Variants in KLRG1 observed in about 807,000 individuals in gnomAD.
KLRG1 encodes the protein killer cell lectin like receptor G1.
Under a neutral mutation model 21.8 loss-of-function variants are expected in KLRG1, and 16 were observed. That is an observed-to-expected ratio of 0.73 (90% CI 0.50 to 1.11). The LOEUF is 1.11. Among genes scored for constraint, KLRG1 ranks in the 50% most tolerant of loss-of-function variants. KLRG1 has a pLI of 0.00. For synonymous variants in KLRG1, 69 were observed against 75.9 expected (o/e 0.91, Z 0.47); for missense variants, 173 against 218.3 (o/e 0.79, Z 1.31).
the KLRG1 span, among the ~76,000 whole-genome samples, chr12:9,201,747 C>A: frequency 6.6e-6 from 1 of 152,060 alleles, no homozygotes; most frequent in African/African-American, 2.4e-5. Context: ...TTCCCAGAAT[C>A]ATTTGGTTGA....
chr12:9,149,632 A>G, the KLRG1 span: 1 of 1,608,232 alleles, frequency 6.2e-7, no homozygotes, highest in Non-Finnish European at 8.5e-7. Context: ...GAAGGAAGAA[A>G]CGAAAGATCT....
the KLRG1 span, among the ~76,000 whole-genome samples, chr12:9,075,298 C>T: frequency 6.6e-6 from 1 of 152,160 alleles, no homozygotes; most frequent in Non-Finnish European, 1.5e-5. Context: ...AAGCCAACTG[C>T]TCTTTGGCAA....
At chr12:9,153,251 T>C in the KLRG1 span, 2 of 1,614,200 alleles carry the variant, frequency 1.2e-6, no homozygotes, top group Non-Finnish European at 1.7e-6. Flanking sequence ...AAAAGGTCTG[T>C]GAATCCTGAA....
the KLRG1 span, among the ~76,000 whole-genome samples, chr12:9,082,582 A>C: frequency 5.3e-5 from 8 of 152,232 alleles, no homozygotes; most frequent in Non-Finnish European, 1.0e-4. Flanking sequence ...GAATACCTAT[A>C]AAAACCAGAA....
the KLRG1 span, chr12:9,203,663 T>G: frequency 1.2e-5 from 17 of 1,375,164 alleles, no homozygotes; most frequent in Non-Finnish European, 1.7e-5. Flanking sequence ...ACTACATTCT[T>G]AAAGTCATAC....
At chr12:9,096,781 G>T in the KLRG1 span, among the ~76,000 whole-genome samples, 2 of 152,278 alleles carry the variant, frequency 1.3e-5, no homozygotes, top group South Asian at 2.1e-4. Context: ...TTTTATTGTG[G>T]CATATTGCAT....
At chr12:9,203,007 A>C in the KLRG1 span, among the ~76,000 whole-genome samples, 32 of 152,332 alleles carry the variant, frequency 2.1e-4, no homozygotes, top group Non-Finnish European at 4.0e-4. Context: ...ATAGGAGCTG[A>C]GTTTCCCAAG....
chr12:9,154,514 A>G, the KLRG1 span: 2 of 1,130,816 alleles, frequency 1.8e-6, no homozygotes, highest in Non-Finnish European at 2.5e-6. Context: ...TACTTCTTCA[A>G]TGATTTAATA....
chr12:9,157,037 A>C, the KLRG1 span: 1 of 699,640 alleles, frequency 1.4e-6, no homozygotes, highest in South Asian at 2.8e-5. Flanking sequence ...TCACCTGGTT[A>C]TTAGGTCCCC....
chr12:9,164,890 G>T, the KLRG1 span, among the ~76,000 whole-genome samples: 1 of 152,194 alleles, frequency 6.6e-6, no homozygotes, highest in Non-Finnish European at 1.5e-5. Context: ...TTGCAGCAAA[G>T]AATTCTGCAA....
At chr12:9,207,916 C>A in the KLRG1 span, among the ~76,000 whole-genome samples, 3 of 152,194 alleles carry the variant, frequency 2.0e-5, no homozygotes, top group Admixed American at 1.3e-4. Context: ...ATATGGCCTA[C>A]AATACATGTT....
At chr12:9,097,632 C>T in the KLRG1 span, among the ~76,000 whole-genome samples, 27 of 127,094 alleles carry the variant, frequency 2.1e-4, no homozygotes, top group Non-Finnish European at 2.5e-4. Flanking sequence ...TGATGTAATT[C>T]TTTTTTTTTT....
the KLRG1 span, among the ~76,000 whole-genome samples, chr12:9,036,063 G>A: frequency 5.3e-5 from 8 of 152,152 alleles, no homozygotes; most frequent in East Asian, 3.8e-4. Flanking sequence ...CCTGGGTAAC[G>A]AAATCATTTG....
chr12:9,127,291 T>A, the KLRG1 span, among the ~76,000 whole-genome samples: 1 of 152,218 alleles, frequency 6.6e-6, no homozygotes, highest in South Asian at 2.1e-4. Context: ...GAATATGGAC[T>A]GTGCTTTAAA....
chr12:9,188,940 T>A, the KLRG1 span, among the ~76,000 whole-genome samples: 2 of 152,084 alleles, frequency 1.3e-5, no homozygotes, highest in South Asian at 2.1e-4. Flanking sequence ...ATGAAAATGG[T>A]CATATTGCCC....
At chr12:8,958,585 A>G (rs966769427) in intron 1 of KLRG1, among the ~76,000 whole-genome samples, 6 of 151,036 alleles carry the variant, frequency 4.0e-5, no homozygotes, top group African/African-American at 1.2e-4. Context: ...GGCAAGGCAT[A>G]GTGGCTCACG....
the KLRG1 span, among the ~76,000 whole-genome samples, chr12:9,211,358 T>C: frequency 6.6e-6 from 1 of 152,168 alleles, no homozygotes; most frequent in Non-Finnish European, 1.5e-5. Context: ...TTACTAATTC[T>C]TTCTTTTGTG....
At chr12:9,004,004 T>A in intron 3 of KLRG1, among the ~76,000 whole-genome samples, 1 of 151,918 alleles carries the variant, frequency 6.6e-6, no homozygotes, top group East Asian at 1.9e-4. Flanking sequence ...ATTTCCAATT[T>A]CATCCATGTC....
At chr12:9,160,051 C>A in the KLRG1 span, 1 of 1,589,128 alleles carries the variant, frequency 6.3e-7, no homozygotes, top group Non-Finnish European at 8.6e-7. Flanking sequence ...TCAGATTGTT[C>A]ATGAAGCATT....
Sources: gnomAD v4.1 joint callset for allele counts (sites outside exome capture counted in the v4.1 genomes callset) on GRCh38, gnomAD v4.1.1 for gene constraint, MANE v1.5 for transcripts, NCBI Gene and HGNC (gene_info 2026-07-23, HGNC 2026-07-21) for gene names.